AUTS2: variants seen among roughly 807,000 people sequenced by gnomAD.
AUTS2 encodes the protein activator of transcription and developmental regulator AUTS2.
In AUTS2, 17 loss-of-function variants were observed where a neutral mutation model predicts 112.4. The ratio of observed to expected loss-of-function variants is 0.15; its 90% confidence interval spans 0.10 to 0.23. AUTS2 has a LOEUF of 0.23. Among genes scored for constraint, AUTS2 ranks in the 10% least tolerant of loss-of-function variants. The probability of loss-of-function intolerance (pLI) is 1.00; values close to 1 mark genes in which losing one functional copy is unlikely to be tolerated. For missense variants in AUTS2, 1,510 were observed against 1,701.6 expected (o/e 0.89, Z 1.98); for synonymous variants, 751 against 702.7 (o/e 1.07, Z -1.09).
chr7:70,515,006 A>C (rs1289823973), intron 5 of AUTS2, among the ~76,000 whole-genome samples: 1 of 152,044 alleles, frequency 6.6e-6, no homozygotes, highest in Non-Finnish European at 1.5e-5. Context: ...AAAGCTCTTT[A>C]TATACTCTGG....
chr7:70,224,276 C>T (rs954164964), intron 4 of AUTS2, among the ~76,000 whole-genome samples: 2 of 151,946 alleles, frequency 1.3e-5, no homozygotes, highest in African/African-American at 2.4e-5. Context: ...GATAGTGCCA[C>T]TGCTATCCAG....
chr7:70,658,051 G>C (rs1242558925), intron 5 of AUTS2, among the ~76,000 whole-genome samples: 1 of 152,216 alleles, frequency 6.6e-6, no homozygotes, highest in East Asian at 1.9e-4. Context: ...TGTAAGTCAT[G>C]CTTGTTTAAA....
intron 2 of AUTS2, among the ~76,000 whole-genome samples, chr7:70,017,276 G>A (rs921878135): frequency 2.0e-5 from 3 of 152,158 alleles, no homozygotes; most frequent in South Asian, 2.1e-4. Flanking sequence ...CTTTTTCGGG[G>A]AAGACAGAGG....
At chr7:70,574,650 T>C (rs1802085295) in intron 5 of AUTS2, among the ~76,000 whole-genome samples, 1 of 152,304 alleles carries the variant, frequency 6.6e-6, no homozygotes, top group South Asian at 2.1e-4. Context: ...GTTTCAACTT[T>C]CATGGTGAAT....
intron 4 of AUTS2, among the ~76,000 whole-genome samples, chr7:70,267,351 T>C (rs1787481483): frequency 2.0e-5 from 3 of 152,134 alleles, no homozygotes; most frequent in South Asian, 2.1e-4. Flanking sequence ...TTCTCTGAGC[T>C]GTTTCTTTTT....
At chr7:70,329,045 TG>T (rs1163300245) in intron 4 of AUTS2, among the ~76,000 whole-genome samples, 1 of 152,218 alleles carries the variant, frequency 6.6e-6, no homozygotes, top group Non-Finnish European at 1.5e-5. Context: ...TGACCTTTTT[TG>T]TCTGGCTTCT....
At position 70,512,192 on chromosome 7, in the gene AUTS2, C is replaced by A. The variant is rs138709399; in HGVS notation, c.690+76411C>A. On this transcript the variant is annotated intron_variant, in intron 5 of 18. Coordinates refer to ENST00000342771, the MANE Select transcript of AUTS2 (RefSeq NM_015570.4). ...CAAGGCAGTGGTGAACCGGGTGGGC[C>A]TCCCACACAAAAAGCTCACTGGCAA... Among the ~76,000 whole-genome samples, 334 of 152,292 alleles carry A rather than the reference C, an allele frequency of 2.2e-3. 1 individual carries two copies. Among genetic ancestry groups the A allele is most frequent in the African/African-American group, 7.7e-3 (321 of 41,562 alleles).
intron 4 of AUTS2, among the ~76,000 whole-genome samples, chr7:70,295,131 G>T (rs1788873650): frequency 6.6e-6 from 1 of 152,216 alleles, no homozygotes; most frequent in Non-Finnish European, 1.5e-5. Flanking sequence ...TGGAGTTTAT[G>T]TAAATAGCAG....
chr7:70,624,617 T>A (rs561451916), intron 5 of AUTS2, among the ~76,000 whole-genome samples: 1 of 152,298 alleles, frequency 6.6e-6, no homozygotes, highest in Admixed American at 6.5e-5. Flanking sequence ...AGGGACCTCC[T>A]GGCAGTCTCA....
At chr7:69,693,676 GTCTCTC>G (rs149717542) in intron 1 of AUTS2, among the ~76,000 whole-genome samples, 1 of 151,272 alleles carries the variant, frequency 6.6e-6, no homozygotes, top group Non-Finnish European at 1.5e-5. Flanking sequence ...CTCTCTGTCT[GTCTCTC>G]TCTCTCTCTC....
Position 70,118,204 on chromosome 7 carries a change from C to A in AUTS2, c.595C>A (p.Arg199=). Residue 199 remains arginine (R), a synonymous_variant, in exon 3 of 19, where the codon CGG becomes AGG. Coordinates refer to ENST00000342771, the MANE Select transcript of AUTS2 (RefSeq NM_015570.4). ...SASGESKGFH[R]SSSRERLSDS... The stretch of plus-strand genomic sequence containing the variant: ...CAGTGGAGAATCCAAGGGCTTCCAC[C>A]GGAGCAGCTCTCGGGAAAGGCTCAG... The A allele has an allele frequency of 6.2e-7, 1 of 1,603,564 alleles. No individual in the cohort carries two copies. Among genetic ancestry groups the A allele is most frequent in the Non-Finnish European group, 8.5e-7 (1 of 1,177,134 alleles).
intron 4 of AUTS2, among the ~76,000 whole-genome samples, chr7:70,241,474 C>T (rs1812610459): frequency 6.6e-6 from 1 of 152,054 alleles, no homozygotes; most frequent in Non-Finnish European, 1.5e-5. Flanking sequence ...GTACTTACTA[C>T]TTTTTTGAAG....
chr7:70,186,046 G>A (rs1809586576), intron 4 of AUTS2, among the ~76,000 whole-genome samples: 1 of 152,170 alleles, frequency 6.6e-6, no homozygotes, highest in Non-Finnish European at 1.5e-5. Flanking sequence ...GTGGCCTGGA[G>A]CTTACCAATC....
rs78953764 is a variant in AUTS2 at position 70,765,842 on chromosome 7, C to T, written c.1469-272C>T. On this transcript the variant is annotated intron_variant, in intron 8 of 18. Coordinates refer to ENST00000342771, the MANE Select transcript of AUTS2 (RefSeq NM_015570.4). ...TCAGCCAGTGGTGACAGCTGGAAAT[C>T]GGACTTTGGCATTTGGCCTGGAGTT... Among the ~76,000 whole-genome samples the T allele has an allele frequency of 2.1e-3, 325 of 152,278 alleles. 3 individuals are homozygous for T. The East Asian group carries it at 0.042, about 20-fold the overall frequency.
At chr7:70,484,620 A>G (rs531482013) in intron 5 of AUTS2, among the ~76,000 whole-genome samples, 1 of 152,288 alleles carries the variant, frequency 6.6e-6, no homozygotes, top group East Asian at 1.9e-4. Context: ...GAGACAGTAG[A>G]TGTGAAAGGT....
chr7:69,927,807 T>C (rs1796081551), intron 2 of AUTS2, among the ~76,000 whole-genome samples: 1 of 152,190 alleles, frequency 6.6e-6, no homozygotes, highest in African/African-American at 2.4e-5. Flanking sequence ...TGGCTTCCAC[T>C]GTGGGCACCA....
intron 4 of AUTS2, among the ~76,000 whole-genome samples, chr7:70,277,044 G>C (rs184258318): frequency 6.6e-6 from 1 of 152,258 alleles, no homozygotes; most frequent in East Asian, 1.9e-4. Context: ...AAATATACAT[G>C]GTTTTGTAAT....
intron 4 of AUTS2, among the ~76,000 whole-genome samples, chr7:70,277,928 G>T (rs1006290082): frequency 1.0e-4 from 13 of 127,348 alleles, no homozygotes; most frequent in Non-Finnish European, 1.8e-4. Context: ...TTGTGTATTT[G>T]TGTGTGTGTG....
chr7:70,651,429 C>T (rs1806500669), intron 5 of AUTS2, among the ~76,000 whole-genome samples: 1 of 152,170 alleles, frequency 6.6e-6, no homozygotes, highest in Admixed American at 6.5e-5. Flanking sequence ...ACCCTTCATA[C>T]GTGGAAAATA....
Sources: gnomAD v4.1 joint callset for allele counts (sites outside exome capture counted in the v4.1 genomes callset) on GRCh38, gnomAD v4.1.1 for gene constraint, MANE v1.5 for transcripts, NCBI Gene and HGNC (gene_info 2026-07-23, HGNC 2026-07-21) for gene names.